PCDHGB4: variants seen among roughly 807,000 people sequenced by gnomAD.
The protein encoded by PCDHGB4 is protocadherin gamma-B4.
A neutral mutation model predicts 60.5 loss-of-function variants in PCDHGB4; 38 were observed. The observed-to-expected ratio is 0.63, with a 90% confidence interval of 0.48 to 0.82. PCDHGB4 has a LOEUF of 0.82. Among genes scored for constraint, PCDHGB4 ranks in the 40% least tolerant of loss-of-function variants. The probability of loss-of-function intolerance (pLI) is 0.00; values close to 1 mark genes in which losing one functional copy is unlikely to be tolerated. For synonymous variants in PCDHGB4, 456 were observed against 509.7 expected (o/e 0.89, Z 1.42); for missense variants, 1,109 against 1,209.6 (o/e 0.92, Z 1.23).
At chr5:141,460,951 G>GTATATATATA (rs200454978) in intron 1 of PCDHGB4, among the ~76,000 whole-genome samples, 1 of 139,722 alleles carries the variant, frequency 7.2e-6, no homozygotes, top group African/African-American at 2.8e-5. Context: ...TATGTATTAT[G>GTATATATATA]TATATATATA....
chr5:141,461,037 G>T (rs1254497108), intron 1 of PCDHGB4, among the ~76,000 whole-genome samples: 1 of 150,988 alleles, frequency 6.6e-6, no homozygotes, highest in Non-Finnish European at 1.5e-5. Flanking sequence ...CCACTCATTA[G>T]TCGATGGGGA....
intron 1 of PCDHGB4, chr5:141,393,430 C>A: frequency 6.2e-7 from 1 of 1,614,040 alleles, no homozygotes. Flanking sequence ...GAGGAAGAGG[C>A]TGCTCACCAC....
chr5:141,394,509 G>T lies in PCDHGB4; in HGVS notation c.2397+4228G>T, dbSNP rs367855808. 10 of 1,614,028 alleles carry T rather than the reference G, an allele frequency of 6.2e-6. No homozygotes were observed. The highest frequency in any genetic ancestry group is 7.6e-6 in the Non-Finnish European group (9 of 1,180,034). On this transcript the variant is annotated intron_variant, in intron 1 of 3. Transcript: ENST00000519479. ...CAACGCGCCCGAGATCCTGTACCCCGCCCTCCCCACAGACGGTTCCACTGG... is the reference window on the plus strand; with the variant it reads ...CAACGCGCCCGAGATCCTGTACCCCTCCCTCCCCACAGACGGTTCCACTGG...
intron 1 of PCDHGB4, chr5:141,468,682 C>A (rs377685711): frequency 4.6e-5 from 7 of 151,296 alleles, no homozygotes; most frequent in African/African-American, 1.7e-4. Context: ...CTGGCTAACA[C>A]GGTGAAACCC....
intron 1 of PCDHGB4, chr5:141,408,883 C>A: frequency 6.2e-7 from 1 of 1,613,462 alleles, no homozygotes; most frequent in Non-Finnish European, 8.5e-7. Flanking sequence ...CCACCGCTCA[C>A]ATAGAAATTT....
intron 1 of PCDHGB4, chr5:141,433,139 T>G: frequency 6.2e-7 from 1 of 1,614,068 alleles, no homozygotes; most frequent in Non-Finnish European, 8.5e-7. Context: ...CCTTTTGCTG[T>G]CAGGTGATTC....
chr5:141,392,658 C>T, intron 1 of PCDHGB4: 1 of 778,114 alleles, frequency 1.3e-6, no homozygotes, highest in Non-Finnish European at 1.9e-6. Context: ...CCGCAGATGC[C>T]ACAAACTAAC....
intron 3 of PCDHGB4, chr5:141,508,010 CAAG>C (rs2099865550): frequency 6.6e-6 from 1 of 152,308 alleles, no homozygotes; most frequent in Non-Finnish European, 1.5e-5. Context: ...GGGATGCTCT[CAAG>C]GAGGCTGCGG....
At chr5:141,398,256 G>C in intron 1 of PCDHGB4, 3 of 1,460,296 alleles carry the variant, frequency 2.1e-6, no homozygotes, top group Non-Finnish European at 9.3e-7. Flanking sequence ...AAATGCCCAA[G>C]GGCTCCGTAG....
chr5:141,392,946 G>A, intron 1 of PCDHGB4: 2 of 1,613,940 alleles, frequency 1.2e-6, no homozygotes, highest in Non-Finnish European at 1.7e-6. Context: ...AGGCTCCTTC[G>A]TGGGTAATAT....
chr5:141,465,505 G>C (rs905617997), intron 1 of PCDHGB4, among the ~76,000 whole-genome samples: 1 of 152,190 alleles, frequency 6.6e-6, no homozygotes, highest in Non-Finnish European at 1.5e-5. Context: ...CATTGTCGTG[G>C]TCAGGAAGGA....
At chr5:141,394,260 G>C in intron 1 of PCDHGB4, 1 of 1,613,920 alleles carries the variant, frequency 6.2e-7, no homozygotes, top group Non-Finnish European at 8.5e-7. Flanking sequence ...CGACAGCCAG[G>C]AGAATGCCCA....
chr5:141,491,580 G>A lies in PCDHGB4; in HGVS notation c.2398-3227G>A. 6.2e-7 allele frequency: 1 copy of A among 1,613,942 alleles called. No individual in the cohort carries two copies. Among genetic ancestry groups the A allele is most frequent in the Non-Finnish European group, 8.5e-7 (1 of 1,180,044 alleles). ...ACTGCTACAGGACGTGCTTTTCACC[G>A]GCCTCGGACGGCAGTGACTTCACTT... is the stretch of plus-strand genomic sequence containing the variant. On this transcript the variant is annotated intron_variant, in intron 1 of 3. Coordinates refer to ENST00000519479, the MANE Select transcript of PCDHGB4 (RefSeq NM_003736.4). The surrounding 1 kb of genome is among the most constrained non-coding windows in gnomAD (Gnocchi z 6.9).
At chr5:141,471,021 A>C (rs1399168691) in intron 1 of PCDHGB4, among the ~76,000 whole-genome samples, 1 of 136,940 alleles carries the variant, frequency 7.3e-6, no homozygotes, top group African/African-American at 2.7e-5. Flanking sequence ...CTGGTCAATC[A>C]TTTTTATTAA....
chr5:141,489,641 C>T lies in PCDHGB4; in HGVS notation c.2398-5166C>T, dbSNP rs1356716387. On this transcript the variant is annotated intron_variant, in intron 1 of 3. Coordinates refer to ENST00000519479, the MANE Select transcript of PCDHGB4 (RefSeq NM_003736.4). This position sits in a 1 kb window ranked among gnomAD's most constrained non-coding sequence, Gnocchi z 4.5. The stretch of plus-strand genomic sequence containing the variant: ...CTCAATGACAACTCTCCTAGCTTTG[C>T]CACCCCTGAGCGAGAGATGCGCATC... The T allele has an allele frequency of 2.5e-6, 4 of 1,614,008 alleles. No individual in the cohort carries two copies. The highest frequency in any genetic ancestry group is 3.4e-6 in the Non-Finnish European group (4 of 1,180,012).
intron 1 of PCDHGB4, chr5:141,422,963 C>G (rs372620011): frequency 1.1e-5 from 17 of 1,614,238 alleles, no homozygotes; most frequent in Non-Finnish European, 1.4e-5. Context: ...GTGGAGCTGG[C>G]GCCCCGCTCT....
chr5:141,414,942 C>T, intron 1 of PCDHGB4: 3 of 1,614,126 alleles, frequency 1.9e-6, no homozygotes, highest in Non-Finnish European at 1.7e-6. Context: ...CAGAGCCCGG[C>T]TACCTGGTGA....
chr5:141,415,409 TG>T (rs763291157), intron 1 of PCDHGB4: 1 of 1,614,208 alleles, frequency 6.2e-7, no homozygotes, highest in Non-Finnish European at 8.5e-7. Context: ...TCGCACTTTG[TG>T]GGCGTGGACG....
chr5:141,421,201 C>A, intron 1 of PCDHGB4: 3 of 1,518,204 alleles, frequency 2.0e-6, no homozygotes, highest in Non-Finnish European at 2.6e-6. Context: ...GCTCGAGAAA[C>A]CGCGGAATAT....
Sources: allele counts gnomAD v4.1 joint callset (sites outside exome capture counted in the v4.1 genomes callset), GRCh38; gene constraint gnomAD v4.1.1; non-coding constraint Gnocchi (gnomAD v3.1); transcripts MANE v1.5; gene names NCBI Gene and HGNC (gene_info 2026-07-23, HGNC 2026-07-21).